Variants in UBE2V1 observed in about 807,000 individuals in gnomAD.
UBE2V1 encodes ubiquitin conjugating enzyme E2 V1.
Under a neutral mutation model 19.6 loss-of-function variants are expected in UBE2V1, and 15 were observed. The ratio of observed to expected loss-of-function variants is 0.77; its 90% CI spans 0.51 to 1.18. UBE2V1 has a LOEUF of 1.18. UBE2V1 is among the 50% of genes most tolerant of loss of function. The pLI, the probability that UBE2V1 is intolerant of heterozygous loss-of-function variation, is 0.00. For synonymous variants in UBE2V1, 60 were observed against 60.7 expected, an observed-to-expected ratio of 0.99 and a Z score of 0.05; for missense variants, 125 against 184.8, an observed-to-expected ratio of 0.68 and a Z score of 1.88.
At position 50,096,717 on chromosome 20, in the gene UBE2V1, G is replaced by A; in HGVS notation, c.126C>T (p.Asp42=). The A allele has an allele frequency of 6.2e-7, 1 of 1,614,164 alleles. No individual in the cohort carries two copies. Among genetic ancestry groups the A allele is most frequent in the Non-Finnish European group, 8.5e-7 (1 of 1,180,028 alleles). Reference sequence around the variant, plus strand: ...TCCCTGTCCATCTTGTAAGTGTCATGTCTTCGTCATCTTCTAGACCCCAGC... The same window carrying A: ...TCCCTGTCCATCTTGTAAGTGTCATATCTTCGTCATCTTCTAGACCCCAGC... ...TVSWGLEDDE[D]MTLTRWTGMI... is the part of the protein sequence containing the mutation. Residue 42 remains aspartate, a synonymous_variant, in exon 2 of 4, where the codon GAC becomes GAT. Coordinates refer to ENST00000371674, the MANE Select transcript of UBE2V1 (RefSeq NM_001032288.3).
At chr20:50,108,036 C>T (rs1010094373) in intron 1 of UBE2V1, among the ~76,000 whole-genome samples, 3 of 152,142 alleles carry the variant, frequency 2.0e-5, no homozygotes, top group African/African-American at 7.2e-5. Context: ...GAAGTCAAGG[C>T]GGCAGGGCCT....
rs374581298 is a variant in UBE2V1, at chr20:50,092,439, C to T, written c.171+4233G>A. ...AAGGGAGGATCAAGCGTTGCCTAGA[C>T]ACATTTATGGTTGCTGCAATGGAGA... On this transcript the variant is annotated intron_variant, in intron 2 of 3. Transcript: ENST00000371674. Among the ~76,000 whole-genome samples the T allele has an allele frequency of 4.6e-5, 7 of 152,158 alleles. No individual in the cohort carries two copies. In the East Asian group the frequency reaches 1.3e-3, roughly 29 times the overall value.
Position 50,081,367 on chromosome 20 carries a change from T to C in UBE2V1, c.*1401A>G, listed in dbSNP as rs1448129799. The stretch of plus-strand genomic sequence containing the variant: ...AAATTAAAAAAAAAAAAAAAACCTT[T>C]AGTACACAATGAATTGCTTTTATTT... On this transcript the variant is annotated 3_prime_UTR_variant, in exon 4 of 4. Coordinates refer to ENST00000371674, the MANE Select transcript of UBE2V1 (RefSeq NM_001032288.3). 6.6e-6 allele frequency: 1 copy of C among 152,360 alleles called. No homozygotes were observed. The highest frequency in any genetic ancestry group is 2.4e-5 in the African/African-American group (1 of 41,350). The allele number at this position is 152,360 out of a possible 1,614,324, so 9.4% of individuals were successfully genotyped here.
rs2080592153 is a variant in UBE2V1, at chr20:50,109,312, GC to G, written c.22+3794del. Among the ~76,000 whole-genome samples, 6 of 152,118 alleles carry G rather than the reference GC, an allele frequency of 3.9e-5. No individual in the cohort carries two copies. The South Asian group carries it at 1.2e-3, about 32-fold the overall frequency. ...TGTATTCTACTTTTACCAAATTACT[GC>G]AGAGCTACAATTTGTGGGGAGGTGG... On this transcript the variant is annotated intron_variant, in intron 1 of 3. Coordinates refer to ENST00000371674, the MANE Select transcript of UBE2V1 (RefSeq NM_001032288.3).
intron 2 of UBE2V1, among the ~76,000 whole-genome samples, chr20:50,089,454 C>T (rs1175032308): frequency 6.6e-6 from 1 of 152,242 alleles, no homozygotes; most frequent in Non-Finnish European, 1.5e-5. Context: ...AAACTGGATA[C>T]AGCAAATCCC....
chr20:50,089,969 C>A (rs1211064527), intron 2 of UBE2V1, among the ~76,000 whole-genome samples: 1 of 152,124 alleles, frequency 6.6e-6, no homozygotes, highest in African/African-American at 2.4e-5. Context: ...TTGCACTCCC[C>A]CAACCAGGCT....
Position 50,082,905 on chromosome 20 carries a change from T to G in UBE2V1, c.307A>C (p.Arg103=). 6.2e-7 allele frequency: 1 copy of G among 1,607,820 alleles called. No individual in the cohort carries two copies. Among genetic ancestry groups the G allele is most frequent in the South Asian group, 1.1e-5 (1 of 90,996 alleles). ...CATTTTGCTAGCACTGATATGGCTC[T>G]TGGGTCCACCTACAACAAGGCAAAC... The part of the protein sequence containing the change: ...VNSSNGVVDP[R]AISVLAKWQN... Residue 103 remains arginine, a synonymous_variant, in exon 4 of 4, where the codon AGA becomes CGA. Transcript: ENST00000371674.
upstream of UBE2V1, among the ~76,000 whole-genome samples, chr20:50,114,617 G>C (rs1051564809): frequency 6.6e-6 from 1 of 152,100 alleles, no homozygotes; most frequent in African/African-American, 2.4e-5. Context: ...TGGAAACCAG[G>C]GCTCTCCAGG....
upstream of UBE2V1, chr20:50,113,348 T>G: frequency 2.6e-6 from 1 of 381,316 alleles, no homozygotes; most frequent in Non-Finnish European, 4.6e-6. Context: ...TCCCCACACA[T>G]CGGGTGCGAG....
chr20:50,110,758 C>T (rs965025430), intron 1 of UBE2V1, among the ~76,000 whole-genome samples: 14 of 152,290 alleles, frequency 9.2e-5, no homozygotes, highest in Admixed American at 9.2e-4. Context: ...AATCCAAAGC[C>T]ATGTCTCTCC....
intron 1 of UBE2V1, chr20:50,098,833 A>T: frequency 1.4e-6 from 1 of 701,912 alleles, no homozygotes; most frequent in Non-Finnish European, 1.8e-6. Flanking sequence ...AATATTAAAT[A>T]GTACTACATA....
At chr20:50,105,596 T>C (rs1034659724) in intron 1 of UBE2V1, among the ~76,000 whole-genome samples, 5 of 152,322 alleles carry the variant, frequency 3.3e-5, no homozygotes, top group African/African-American at 1.2e-4. Flanking sequence ...TGTGTGAATC[T>C]GACACCAAAA....
intron 2 of UBE2V1, among the ~76,000 whole-genome samples, chr20:50,089,195 G>T (rs2147000550): frequency 6.6e-6 from 1 of 152,260 alleles, no homozygotes; most frequent in East Asian, 1.9e-4. Context: ...AGGGAGGGGG[G>T]GATAAGCTGG....
chr20:50,091,410 CTTT>C (rs11482128), intron 2 of UBE2V1, among the ~76,000 whole-genome samples: 4 of 112,278 alleles, frequency 3.6e-5, no homozygotes, highest in South Asian at 3.0e-4. Context: ...TAACTTAAGG[CTTT>C]TTTTTTTTTT....
Position 50,113,131 on chromosome 20 carries a change from T to C in UBE2V1, c.-3A>G, listed in dbSNP as rs746413452. ...CCCGAGCCCGTGGTGGCTGCCATCT[T>C]GCGTCGCTCTTGCTTGAAGGCCGGC... On this transcript the variant is annotated 5_prime_UTR_variant, in exon 1 of 4. Transcript: ENST00000371674. The C allele has an allele frequency of 4.4e-6, 6 of 1,374,656 alleles. No individual in the cohort carries two copies. In the South Asian group the frequency reaches 5.3e-5, roughly 12 times the overall value. The allele number at this position is 1,374,656 out of a possible 1,614,324, so 85.2% of individuals were successfully genotyped here.
At chr20:50,084,359 T>G (rs758592999) in intron 2 of UBE2V1, 105 bp from the exon 3 acceptor site, 3 of 1,592,614 alleles carry the variant, frequency 1.9e-6, no homozygotes, top group Non-Finnish European at 2.6e-6. Flanking sequence ...CTGGTACATC[T>G]GCTTCCAGCA....
At chr20:50,110,290 A>G (rs2080670295) in intron 1 of UBE2V1, among the ~76,000 whole-genome samples, 1 of 152,270 alleles carries the variant, frequency 6.6e-6, no homozygotes, top group Admixed American at 6.5e-5. Context: ...GGCTTTTCAC[A>G]GTTCCACCCT....
chr20:50,100,769 A>T (rs763181496), intron 1 of UBE2V1, among the ~76,000 whole-genome samples: 3 of 152,200 alleles, frequency 2.0e-5, no homozygotes, highest in Non-Finnish European at 4.4e-5. Flanking sequence ...CAGCTGGACT[A>T]TTTATAGTAG....
chr20:50,084,231 G>T lies in UBE2V1; in HGVS notation c.195C>A (p.Tyr65Ter), dbSNP rs1212217774. ...TAGGTCCACATTCTATTTTAAGGCT[G>T]TATATTCGGTTTTCATAAATTGTCT... ...PPRTIYENRI[Y>*]SLKIECGPKY... The change falls in exon 3 of 4, where the codon TAC becomes TAA. Residue 65 changes from tyrosine to a stop codon, truncating the protein, a stop_gained. Coordinates refer to ENST00000371674, the MANE Select transcript of UBE2V1 (RefSeq NM_001032288.3). LOFTEE classifies it high-confidence loss of function. 6.2e-7 allele frequency: 1 copy of T among 1,611,596 alleles called. No individual in the cohort carries two copies.
Sources: allele counts gnomAD v4.1 joint callset (sites outside exome capture counted in the v4.1 genomes callset), GRCh38; gene constraint gnomAD v4.1.1; transcripts MANE v1.5; gene names NCBI Gene and HGNC (gene_info 2026-07-23, HGNC 2026-07-21).